Variants in MACROD2 observed in about 807,000 individuals in gnomAD.
The protein encoded by MACROD2 is mono-ADP ribosylhydrolase 2.
Under a neutral mutation model 70.4 loss-of-function variants are expected in MACROD2, and 36 were observed. That is an observed-to-expected ratio of 0.51 (90% CI 0.39 to 0.68). The LOEUF (loss-of-function observed/expected upper bound fraction) is 0.68. Among genes scored for constraint, MACROD2 ranks in the 30% least tolerant of loss-of-function variants. The probability of loss-of-function intolerance (pLI) is 0.00; values close to 1 mark genes in which losing one functional copy is unlikely to be tolerated. For missense variants in MACROD2, 496 were observed against 538.4 expected (o/e 0.92, Z 0.78); for synonymous variants, 172 against 178.8 (o/e 0.96, Z 0.30).
intron 6 of MACROD2, among the ~76,000 whole-genome samples, chr20:15,298,679 A>G (rs1340968253): frequency 6.6e-6 from 1 of 152,224 alleles, no homozygotes; most frequent in Admixed American, 6.5e-5. Flanking sequence ...GGTGGGGGTC[A>G]CACCAATGGT....
At chr20:15,378,811 A>G (rs1276755934) in intron 6 of MACROD2, among the ~76,000 whole-genome samples, 1 of 152,198 alleles carries the variant, frequency 6.6e-6, no homozygotes, top group Non-Finnish European at 1.5e-5. Flanking sequence ...TAACTGATGC[A>G]TAAGATTATC....
intron 8 of MACROD2, among the ~76,000 whole-genome samples, chr20:15,825,578 A>G (rs1235921323): frequency 7.2e-5 from 11 of 151,794 alleles, no homozygotes; most frequent in Admixed American, 5.3e-4. Context: ...GGCTCACTGC[A>G]AGCTCCGCCT....
chr20:14,125,524 C>T (rs1228391259), intron 3 of MACROD2, among the ~76,000 whole-genome samples: 1 of 152,036 alleles, frequency 6.6e-6, no homozygotes, highest in Non-Finnish European at 1.5e-5. Context: ...AAATTAGAAT[C>T]ACCATAATTG....
intron 15 of MACROD2, among the ~76,000 whole-genome samples, chr20:16,022,239 G>T (rs904868341): frequency 1.3e-5 from 2 of 152,052 alleles, no homozygotes; most frequent in Non-Finnish European, 2.9e-5. Context: ...TTTTAGTAGA[G>T]ACGGGGTTTC....
intron 4 of MACROD2, among the ~76,000 whole-genome samples, chr20:14,521,300 T>C (rs987791471): frequency 2.0e-5 from 3 of 152,188 alleles, no homozygotes; most frequent in Non-Finnish European, 2.9e-5. Flanking sequence ...TTAGGTTGCT[T>C]ATCACAGTCT....
At chr20:14,379,797 T>G (rs1236360705) in intron 3 of MACROD2, among the ~76,000 whole-genome samples, 1 of 152,120 alleles carries the variant, frequency 6.6e-6, no homozygotes, top group Non-Finnish European at 1.5e-5. Context: ...ATTTCACTCC[T>G]TTTTAAGGCT....
chr20:15,288,787 G>T (rs1265077793), intron 6 of MACROD2, among the ~76,000 whole-genome samples: 1 of 151,862 alleles, frequency 6.6e-6, no homozygotes, highest in African/African-American at 2.4e-5. Flanking sequence ...GCTTATGGTG[G>T]GACTTTTAAG....
At chr20:15,041,783 C>T (rs1295033304) in intron 5 of MACROD2, among the ~76,000 whole-genome samples, 2 of 152,092 alleles carry the variant, frequency 1.3e-5, no homozygotes, top group African/African-American at 4.8e-5. Flanking sequence ...TGTTACTGTA[C>T]CCTTCTTGCC....
intron 3 of MACROD2, among the ~76,000 whole-genome samples, chr20:14,173,163 T>C (rs6135081): frequency 0.95 from 144,511 of 152,262 alleles, 68,600 homozygotes; most frequent in East Asian, 0.99. Flanking sequence ...TTTGAGCTTC[T>C]TGTATTTGGA....
At chr20:15,049,029 T>A (rs1274171110) in intron 5 of MACROD2, among the ~76,000 whole-genome samples, 1 of 152,122 alleles carries the variant, frequency 6.6e-6, no homozygotes, top group Non-Finnish European at 1.5e-5. Flanking sequence ...AAATTTTTCT[T>A]TGAAAAAATG....
intron 2 of MACROD2, among the ~76,000 whole-genome samples, chr20:14,080,172 G>A (rs1489698560): frequency 3.9e-5 from 6 of 152,122 alleles, no homozygotes; most frequent in African/African-American, 7.2e-5. Flanking sequence ...GGTCAGGCAC[G>A]GTGGCTCACG....
chr20:14,655,018 C>T (rs1985893341), intron 4 of MACROD2, among the ~76,000 whole-genome samples: 1 of 152,038 alleles, frequency 6.6e-6, no homozygotes, highest in Non-Finnish European at 1.5e-5. Context: ...TTCTTTCATA[C>T]ACAGGGTTGT....
At chr20:15,398,561 A>G (rs1343463602) in intron 6 of MACROD2, among the ~76,000 whole-genome samples, 1 of 152,186 alleles carries the variant, frequency 6.6e-6, no homozygotes, top group Non-Finnish European at 1.5e-5. Context: ...AAATAACAGG[A>G]TTATTATGTC....
chr20:14,682,581 CT>C (rs1568736327), intron 4 of MACROD2, among the ~76,000 whole-genome samples: 1 of 151,922 alleles, frequency 6.6e-6, no homozygotes. Flanking sequence ...GGCATTTTCA[CT>C]GAGAAATCTT....
chr20:14,910,309 G>T (rs559723167), intron 5 of MACROD2, among the ~76,000 whole-genome samples: 1 of 152,292 alleles, frequency 6.6e-6, no homozygotes, highest in South Asian at 2.1e-4. Context: ...GACTTGAAGT[G>T]GGGAAAGAAG....
intron 4 of MACROD2, among the ~76,000 whole-genome samples, chr20:14,504,230 G>A (rs1046336102): frequency 9.9e-5 from 15 of 152,160 alleles, no homozygotes; most frequent in Admixed American, 7.2e-4. Context: ...AATAACTAAC[G>A]TTTATGGGGT....
At chr20:14,636,704 C>T (rs890988521) in intron 4 of MACROD2, among the ~76,000 whole-genome samples, 15 of 152,142 alleles carry the variant, frequency 9.9e-5, no homozygotes, top group Non-Finnish European at 1.5e-4. Context: ...AGAGGATGGC[C>T]ACAAAATATT....
At chr20:15,941,074 G>C (rs2065744961) in intron 12 of MACROD2, among the ~76,000 whole-genome samples, 1 of 152,102 alleles carries the variant, frequency 6.6e-6, no homozygotes, top group African/African-American at 2.4e-5. Flanking sequence ...ATGCTTTTAG[G>C]AACTCACACC....
intron 5 of MACROD2, among the ~76,000 whole-genome samples, chr20:14,698,884 T>A (rs577764290): frequency 2.0e-5 from 3 of 151,964 alleles, no homozygotes; most frequent in Non-Finnish European, 4.4e-5. Context: ...TTCAGTTTCA[T>A]GCTCTGTTCA....
Sources: allele counts gnomAD v4.1 joint callset (sites outside exome capture counted in the v4.1 genomes callset), GRCh38; gene constraint gnomAD v4.1.1; transcripts MANE v1.5; gene names NCBI Gene and HGNC (gene_info 2026-07-23, HGNC 2026-07-21).